The following CTNNA1 variants were observed in gnomAD, a reference collection of about 807,000 sequenced individuals.
The protein encoded by CTNNA1 is catenin alpha-1.
CTNNA1 carries 37 observed loss-of-function variants against 98.4 expected under a neutral mutation model. That is an observed-to-expected ratio of 0.38 (90% CI 0.29 to 0.49). The LOEUF (loss-of-function observed/expected upper bound fraction) is 0.49, where lower values mean the gene tolerates loss of function less well. Among genes scored for constraint, CTNNA1 ranks in the 20% least tolerant of loss-of-function variants. The pLI, the probability that CTNNA1 is intolerant of heterozygous loss-of-function variation, is 0.95. For missense variants in CTNNA1, 761 were observed against 1,147.2 expected (o/e 0.66, Z 4.86); for synonymous variants, 404 against 413.2 (o/e 0.98, Z 0.27).
Position 138,753,457 on chromosome 5 carries a change from A to G in CTNNA1, c.-56A>G, listed in dbSNP as rs1156383503. 1.3e-5 allele frequency: 5 copies of G among 375,260 alleles called. No homozygotes were observed. The highest frequency in any genetic ancestry group is 6.8e-4 in the Middle Eastern group (1 of 1,474). The allele number at this position is 375,260 out of a possible 1,614,324, so 23.2% of individuals were successfully genotyped here. A position where few individuals can be genotyped will look rare whatever the true frequency, so the allele number is the denominator to read the frequency against. On this transcript the variant is annotated 5_prime_UTR_variant, in exon 1 of 18. Coordinates refer to ENST00000302763, the MANE Select transcript of CTNNA1 (RefSeq NM_001903.5). The stretch of plus-strand genomic sequence containing the variant: ...TAGCCGGACTGGAGGGAGACAAAGC[A>G]GCGCCCGTCTGCTTCGGGCCTCTGG...
Position 138,812,310 on chromosome 5 carries a change from C to T in CTNNA1, c.588+8C>T, listed in dbSNP as rs1581119759. On this transcript the variant is annotated splice_region_variant and intron_variant, in intron 5 of 17. Transcript: ENST00000302763. Reference sequence around the variant, plus strand: ...GCAGCCAAAAGACAACAGGTACAGTCATGATTTGGGGATATATTAAAGTTG... The same window carrying T: ...GCAGCCAAAAGACAACAGGTACAGTTATGATTTGGGGATATATTAAAGTTG... The T allele has an allele frequency of 1.1e-5, 17 of 1,608,266 alleles. No homozygotes were observed. Among genetic ancestry groups the T allele is most frequent in the Non-Finnish European group, 1.4e-5 (17 of 1,178,598 alleles).
chr5:138,795,122 C>T (rs1254469673), intron 3 of CTNNA1, among the ~76,000 whole-genome samples: 1 of 145,126 alleles, frequency 6.9e-6, no homozygotes, highest in Non-Finnish European at 1.5e-5. Context: ...TGCACACCAC[C>T]ACCACCCTAG....
chr5:138,839,993 T>C (rs1223862026), intron 7 of CTNNA1, among the ~76,000 whole-genome samples: 2 of 152,192 alleles, frequency 1.3e-5, no homozygotes, highest in Admixed American at 6.5e-5. Context: ...GATCAAGTAA[T>C]GTAATCTCCC....
chr5:138,800,004 C>A (rs1003183704), intron 3 of CTNNA1, among the ~76,000 whole-genome samples: 3 of 152,068 alleles, frequency 2.0e-5, no homozygotes, highest in African/African-American at 7.2e-5. Flanking sequence ...TCAATCGATT[C>A]TCGTGTCTCA....
intron 3 of CTNNA1, among the ~76,000 whole-genome samples, chr5:138,784,042 A>C (rs1755417309): frequency 6.6e-6 from 1 of 152,228 alleles, no homozygotes; most frequent in Non-Finnish European, 1.5e-5. Context: ...GAAGACTTTA[A>C]ATACGGAAGA....
intron 7 of CTNNA1, chr5:138,875,762 T>G: frequency 1.0e-6 from 1 of 976,478 alleles, no homozygotes; most frequent in Non-Finnish European, 1.2e-6. Flanking sequence ...ACTGGTAGTT[T>G]GGAAAGCTAT....
intron 10 of CTNNA1, among the ~76,000 whole-genome samples, chr5:138,914,762 C>G (rs1167270998): frequency 6.6e-6 from 1 of 152,092 alleles, no homozygotes; most frequent in East Asian, 1.9e-4. Context: ...ACCCCAGACT[C>G]CTCCACTCAG....
chr5:138,831,474 C>T (rs977983492), intron 7 of CTNNA1, among the ~76,000 whole-genome samples: 6 of 152,224 alleles, frequency 3.9e-5, no homozygotes, highest in African/African-American at 1.2e-4. Context: ...CTCACTTTCT[C>T]CATTTTCCAC....
At chr5:138,877,405 A>AG (rs1276153773) in intron 7 of CTNNA1, among the ~76,000 whole-genome samples, 1 of 151,710 alleles carries the variant, frequency 6.6e-6, no homozygotes, top group African/African-American at 2.4e-5. Flanking sequence ...AAAAGTTCTA[A>AG]GGACAGTAGT....
rs531482647 is a variant in CTNNA1 at position 138,825,100 on chromosome 5, CCTT to C, written c.858+304_858+306del. Among the ~76,000 whole-genome samples, 15 of 152,240 alleles carry C rather than the reference CCTT, an allele frequency of 9.9e-5. No individual in the cohort carries two copies. In the South Asian group the frequency reaches 3.1e-3, roughly 32 times the overall value. ...TGGTTCATTTCAACCAAGATTTTGA[CCTT>C]CTGGCAGATGTGAAGCTATGGTAGA... On this transcript the variant is annotated intron_variant, in intron 6 of 17. Coordinates refer to ENST00000302763, the MANE Select transcript of CTNNA1 (RefSeq NM_001903.5).
At chr5:138,777,016 C>A (rs1379024730) in intron 1 of CTNNA1, among the ~76,000 whole-genome samples, 1 of 152,170 alleles carries the variant, frequency 6.6e-6, no homozygotes, top group African/African-American at 2.4e-5. Flanking sequence ...CACCTCCCTC[C>A]CGGATGGGGT....
In CTNNA1 at chr5:138,887,874, A is replaced by G. The variant is rs1754428635; in HGVS notation, c.1296+232A>G. 1.7e-5 allele frequency: 6 copies of G among 356,188 alleles called. No homozygotes were observed. The East Asian group carries it at 2.9e-4, about 17-fold the overall frequency. The allele number at this position is 356,188 out of a possible 1,614,324, so 22.1% of individuals were successfully genotyped here. ...ACAGTTCCTATCCTAGAAGCCTAAC[A>G]TCTCCACTTAATGCAAATAAAGATA... On this transcript the variant is annotated intron_variant, in intron 9 of 17. Coordinates refer to ENST00000302763, the MANE Select transcript of CTNNA1 (RefSeq NM_001903.5).
chr5:138,909,446 C>T (rs1760071924), intron 10 of CTNNA1, among the ~76,000 whole-genome samples: 1 of 150,882 alleles, frequency 6.6e-6, no homozygotes, highest in African/African-American at 2.4e-5. Flanking sequence ...GCAGCCTTGA[C>T]CTCCTAGGTT....
At chr5:138,862,221 G>A (rs1161006274) in intron 7 of CTNNA1, among the ~76,000 whole-genome samples, 1 of 152,168 alleles carries the variant, frequency 6.6e-6, no homozygotes, top group African/African-American at 2.4e-5. Context: ...GATTATGTTT[G>A]TGTTTTTAAA....
At chr5:138,879,005 T>G (rs999770219) in intron 7 of CTNNA1, among the ~76,000 whole-genome samples, 2 of 150,396 alleles carry the variant, frequency 1.3e-5, no homozygotes, top group African/African-American at 4.9e-5. Context: ...AGGTCAGGAG[T>G]TCAAGACCAG....
In CTNNA1 at chr5:138,796,332, G is replaced by A. The variant is rs149160887; in HGVS notation, c.301+12960G>A. On this transcript the variant is annotated intron_variant, in intron 3 of 17. Transcript: ENST00000302763. ...AGCACTTTGGGAGGCCAAGGCAGGC[G>A]GATAATGAGGTCAGGAGATCGAGAC... is the stretch of plus-strand genomic sequence containing the variant. Among the ~76,000 whole-genome samples, 442 of 152,254 alleles carry A rather than the reference G, an allele frequency of 2.9e-3. 3 individuals are homozygous for A. The highest frequency in any genetic ancestry group is 1.0e-2 in the African/African-American group (415 of 41,562).
At chr5:138,760,591 C>T (rs944171458) in intron 1 of CTNNA1, among the ~76,000 whole-genome samples, 5 of 152,128 alleles carry the variant, frequency 3.3e-5, no homozygotes, top group African/African-American at 1.2e-4. Context: ...GTCTCTAACT[C>T]CTGACCTCAA....
intron 3 of CTNNA1, among the ~76,000 whole-genome samples, chr5:138,796,389 A>G (rs1400282576): frequency 4.7e-5 from 1 of 21,106 alleles, no homozygotes; most frequent in Non-Finnish European, 1.6e-4. Context: ...CTAAAAATAC[A>G]AAAAATTAGC....
rs80339540 is a variant in CTNNA1, at chr5:138,778,337, G to C, written c.-2-3586G>C. ...ACTACAGCCAGTTATTTTGTAGATC[G>C]TCTCACGCTTTGAATTTGATGTTGC... On this transcript the variant is annotated intron_variant, in intron 1 of 17. Transcript: ENST00000302763. 5.7e-3 allele frequency among the ~76,000 whole-genome samples: 872 copies of C among 152,178 alleles called. 8 individuals are homozygous for C. The highest frequency in any genetic ancestry group is 9.9e-3 in the Non-Finnish European group (671 of 68,004).
Sources: allele counts gnomAD v4.1 joint callset (sites outside exome capture counted in the v4.1 genomes callset), GRCh38; gene constraint gnomAD v4.1.1; transcripts MANE v1.5; gene names NCBI Gene and HGNC (gene_info 2026-07-23, HGNC 2026-07-21).